CNTN5: variants seen among roughly 807,000 people sequenced by gnomAD.
CNTN5 encodes the protein contactin-5.
A neutral mutation model predicts 129.1 loss-of-function variants in CNTN5; 77 were observed. That is an observed-to-expected ratio of 0.60 (90% CI 0.50 to 0.72). The LOEUF is 0.72. CNTN5 is among the 30% of genes least tolerant of loss of function. CNTN5 has a pLI of 0.00. For missense variants in CNTN5, 1,478 were observed against 1,328.8 expected, an observed-to-expected ratio of 1.11 and a Z score of -1.75; for synonymous variants, 509 against 465.6, an observed-to-expected ratio of 1.09 and a Z score of -1.20.
intron 1 of CNTN5, among the ~76,000 whole-genome samples, chr11:99,170,443 A>G (rs1861096108): frequency 6.6e-6 from 1 of 152,176 alleles, no homozygotes; most frequent in South Asian, 2.1e-4. Context: ...AAATCACTTT[A>G]TCTCTAAGGG....
In CNTN5 at chr11:99,073,508, C is replaced by T. The variant is rs1200144706; in HGVS notation, c.-210+52238C>T. On this transcript the variant is annotated intron_variant, in intron 1 of 24. Coordinates refer to ENST00000524871, the MANE Select transcript of CNTN5 (RefSeq NM_014361.4). ...AACCCATCATCTAGGTTTTAAGCCT[C>T]GCATGCATTAGGTATTTGTCCTAAT... Among the ~76,000 whole-genome samples, 5 of 150,906 alleles carry T rather than the reference C, an allele frequency of 3.3e-5. No individual in the cohort carries two copies. The East Asian group carries it at 9.8e-4, about 30-fold the overall frequency.
intron 4 of CNTN5, among the ~76,000 whole-genome samples, chr11:99,834,962 C>G (rs1449328889): frequency 6.6e-6 from 1 of 152,164 alleles, no homozygotes; most frequent in Non-Finnish European, 1.5e-5. Flanking sequence ...AGAAAGCTAT[C>G]CAGAGTAATT....
At chr11:99,397,805 G>A (rs1941603614) in intron 2 of CNTN5, among the ~76,000 whole-genome samples, 1 of 151,586 alleles carries the variant, frequency 6.6e-6, no homozygotes, top group South Asian at 2.1e-4. Context: ...AGGATCCCTG[G>A]CTACTTTTAT....
At chr11:99,266,243 C>T (rs1439661230) in intron 1 of CNTN5, among the ~76,000 whole-genome samples, 1 of 152,070 alleles carries the variant, frequency 6.6e-6, no homozygotes, top group Admixed American at 6.6e-5. Context: ...TGCATTATAA[C>T]ATCTGTTTAC....
At chr11:100,134,369 G>T (rs1259840705) in intron 13 of CNTN5, among the ~76,000 whole-genome samples, 1 of 152,036 alleles carries the variant, frequency 6.6e-6, no homozygotes. Context: ...ACATTTTATT[G>T]GCTGTATTTC....
At chr11:100,256,960 C>T (rs1410186966) in intron 17 of CNTN5, among the ~76,000 whole-genome samples, 1 of 152,140 alleles carries the variant, frequency 6.6e-6, no homozygotes, top group East Asian at 1.9e-4. Flanking sequence ...GAACCATTCA[C>T]TCCCCTAGAA....
intron 3 of CNTN5, among the ~76,000 whole-genome samples, chr11:99,675,120 C>G (rs12803687): frequency 0.11 from 16,512 of 152,108 alleles, 1,104 homozygotes; most frequent in East Asian, 0.24. Context: ...ATCCTACTAA[C>G]TAATTGTTGG....
Position 100,224,799 on chromosome 11 carries a change from ACTT to A in CNTN5, c.1996_1998del (p.Leu666del). On this transcript the variant is annotated inframe_deletion, in exon 16 of 25. Transcript: ENST00000524871. ...CAGACAGTGTGTCAGATGAGGCAGAACTTCTTGTTAGGGGTGAGTATGCTAATA... is the reference window on the plus strand; with the variant it reads ...CAGACAGTGTGTCAGATGAGGCAGAACTTGTTAGGGGTGAGTATGCTAATA... The A allele has an allele frequency of 6.2e-7, 1 of 1,613,114 alleles. No homozygotes were observed.
intron 1 of CNTN5, among the ~76,000 whole-genome samples, chr11:99,114,180 A>T (rs1857930000): frequency 6.6e-6 from 1 of 150,896 alleles, no homozygotes; most frequent in Non-Finnish European, 1.5e-5. Flanking sequence ...GATCAAATCC[A>T]TTTCAGCCTT....
rs1308367279 is a variant in CNTN5, at chr11:99,097,199, A to T, written c.-210+75929A>T. 2.6e-5 allele frequency among the ~76,000 whole-genome samples: 4 copies of T among 152,088 alleles called. No homozygotes were observed. The East Asian group carries it at 7.7e-4, about 29-fold the overall frequency. ...ATGTCACCTTGTGTCTTTTAATCCA[A>T]TGTCCCTTGCACATACAGTCCAACA... On this transcript the variant is annotated intron_variant, in intron 1 of 24. Transcript: ENST00000524871.
intron 15 of CNTN5, among the ~76,000 whole-genome samples, chr11:100,217,857 A>G (rs1949175591): frequency 6.6e-6 from 1 of 152,196 alleles, no homozygotes; most frequent in South Asian, 2.1e-4. Flanking sequence ...ATTTCTCATA[A>G]CTTTAATGAT....
At chr11:99,350,410 A>G (rs560514796) in intron 2 of CNTN5, among the ~76,000 whole-genome samples, 6 of 152,300 alleles carry the variant, frequency 3.9e-5, no homozygotes, top group Admixed American at 1.3e-4. Flanking sequence ...GTTTACTTAT[A>G]AATGTAAATA....
intron 3 of CNTN5, among the ~76,000 whole-genome samples, chr11:99,816,087 T>A (rs144906179): frequency 1.2e-3 from 178 of 152,292 alleles, no homozygotes; most frequent in African/African-American, 3.8e-3. Flanking sequence ...ATTAATAGAC[T>A]ATAGCTAGAG....
chr11:100,101,728 C>T (rs1301872556), intron 13 of CNTN5, among the ~76,000 whole-genome samples: 1 of 152,024 alleles, frequency 6.6e-6, no homozygotes, highest in Non-Finnish European at 1.5e-5. Flanking sequence ...TTGCTCACCC[C>T]ACTCCCAGAC....
chr11:99,266,248 G>T (rs749384358), intron 1 of CNTN5, among the ~76,000 whole-genome samples: 29 of 152,028 alleles, frequency 1.9e-4, no homozygotes, highest in Admixed American at 6.6e-4. Flanking sequence ...TATAACATCT[G>T]TTTACTTAGC....
chr11:100,279,882 A>G (rs1164619660), intron 18 of CNTN5, among the ~76,000 whole-genome samples: 1 of 131,110 alleles, frequency 7.6e-6, no homozygotes, highest in Non-Finnish European at 1.6e-5. Context: ...ATGCCTCATT[A>G]GGTTGTTTAT....
At chr11:99,414,354 G>T (rs1942542363) in intron 2 of CNTN5, among the ~76,000 whole-genome samples, 1 of 152,120 alleles carries the variant, frequency 6.6e-6, no homozygotes, top group Admixed American at 6.6e-5. Flanking sequence ...TATGTGTATA[G>T]TTGTGCACAC....
intron 1 of CNTN5, among the ~76,000 whole-genome samples, chr11:99,175,395 A>G (rs757475115): frequency 6.6e-6 from 1 of 152,308 alleles, no homozygotes; most frequent in African/African-American, 2.4e-5. Context: ...GATAATCACA[A>G]TTGAAGGCAC....
chr11:100,122,155 C>A (rs1946045074), intron 13 of CNTN5, among the ~76,000 whole-genome samples: 1 of 151,944 alleles, frequency 6.6e-6, no homozygotes, highest in Non-Finnish European at 1.5e-5. Context: ...CACTTCAGAA[C>A]CAAGAAAGCC....
Sources: allele counts gnomAD v4.1 joint callset (sites outside exome capture counted in the v4.1 genomes callset), GRCh38; gene constraint gnomAD v4.1.1; transcripts MANE v1.5; gene names NCBI Gene and HGNC (gene_info 2026-07-23, HGNC 2026-07-21).